The following EPHA5 variants were observed in gnomAD, a reference collection of about 807,000 sequenced individuals.
The protein encoded by EPHA5 is ephrin type-A receptor 5.
A neutral mutation model predicts 105.0 loss-of-function variants in EPHA5; 60 were observed. The ratio of observed to expected loss-of-function variants is 0.57; its 90% CI spans 0.46 to 0.71. The LOEUF (loss-of-function observed/expected upper bound fraction) is 0.71, where lower values mean the gene tolerates loss of function less well. EPHA5 is among the 30% of genes least tolerant of loss of function. The pLI is 0.00. For missense variants in EPHA5, 1,218 were observed against 1,274.7 expected (o/e 0.96, Z 0.68); for synonymous variants, 513 against 449.1 (o/e 1.14, Z -1.80).
At chr4:65,475,731 C>T (rs1441822573) in intron 5 of EPHA5, among the ~76,000 whole-genome samples, 5 of 152,104 alleles carry the variant, frequency 3.3e-5, no homozygotes, top group East Asian at 3.9e-4. Context: ...CTAAGCCACA[C>T]GAATGTTTGA....
chr4:65,495,028 A>C (rs1480823761), intron 4 of EPHA5, among the ~76,000 whole-genome samples: 2 of 151,862 alleles, frequency 1.3e-5, no homozygotes, highest in African/African-American at 4.8e-5. Flanking sequence ...AAGAAGAGGA[A>C]GAGGAGGAAG....
chr4:65,511,921 C>G (rs1733664296), intron 3 of EPHA5, among the ~76,000 whole-genome samples: 1 of 151,974 alleles, frequency 6.6e-6, no homozygotes, highest in Middle Eastern at 3.4e-3. Flanking sequence ...GAGAGGTGTC[C>G]TAGAAAATAA....
chr4:65,435,652 C>T (rs941828258), intron 5 of EPHA5, among the ~76,000 whole-genome samples: 1 of 152,026 alleles, frequency 6.6e-6, no homozygotes, highest in African/African-American at 2.4e-5. Context: ...CTGCTGGAAA[C>T]CCCAGATCTG....
chr4:65,643,521 T>A, intron 1 of EPHA5, 94 bp from the exon 2 acceptor site: 1 of 1,019,264 alleles, frequency 9.8e-7, no homozygotes, highest in South Asian at 1.4e-5. Flanking sequence ...GCATGTTGTT[T>A]ACATAACTGA....
At chr4:65,414,161 C>T (rs1723170878) in intron 7 of EPHA5, 123 bp downstream of exon 7, 1 of 859,548 alleles carries the variant, frequency 1.2e-6, no homozygotes, top group East Asian at 2.6e-5. Flanking sequence ...CTGAAGGGGT[C>T]ATGCCTGGGA....
intron 11 of EPHA5, among the ~76,000 whole-genome samples, chr4:65,353,808 C>T (rs1170883809): frequency 6.6e-6 from 1 of 151,672 alleles, no homozygotes; most frequent in African/African-American, 2.4e-5. Context: ...GGCTACCTGC[C>T]CTTCCTCTCT....
chr4:65,642,822 T>C (rs1453914602), intron 2 of EPHA5, among the ~76,000 whole-genome samples: 2 of 152,036 alleles, frequency 1.3e-5, no homozygotes, highest in African/African-American at 4.8e-5. Flanking sequence ...ATGAATTGCA[T>C]GTGTACATGA....
In EPHA5 at chr4:65,576,020, A is replaced by G. The variant is rs1243136599; in HGVS notation, c.910+25621T>C. 4.1e-3 allele frequency among the ~76,000 whole-genome samples: 436 copies of G among 106,350 alleles called. 2 individuals carry two copies. The highest frequency in any genetic ancestry group is 0.015 in the African/African-American group (409 of 28,166). The allele number at this position is 106,350 out of a possible 152,430, so 69.8% of individuals were successfully genotyped here. ...AGAGAGAGAAAGAAAGAAAGAAAGA[A>G]AGAAAGAAAGAAAGAAAGAAAGAAA... On this transcript the variant is annotated intron_variant, in intron 3 of 16. Transcript: ENST00000613740.
intron 3 of EPHA5, among the ~76,000 whole-genome samples, chr4:65,545,965 A>G (rs1737332368): frequency 6.6e-6 from 1 of 151,958 alleles, no homozygotes; most frequent in Non-Finnish European, 1.5e-5. Context: ...TAAGGACCAG[A>G]TAACAAATAT....
At chr4:65,528,142 T>C (rs1735417025) in intron 3 of EPHA5, among the ~76,000 whole-genome samples, 1 of 151,040 alleles carries the variant, frequency 6.6e-6, no homozygotes, top group Non-Finnish European at 1.5e-5. Context: ...ACCCATTTCT[T>C]ACATAATGAG....
intron 8 of EPHA5, among the ~76,000 whole-genome samples, chr4:65,401,092 T>C (rs1325075877): frequency 6.6e-6 from 1 of 151,756 alleles, no homozygotes; most frequent in African/African-American, 2.4e-5. Context: ...AAATCAATCA[T>C]GTTTTAGCAC....
intron 8 of EPHA5, among the ~76,000 whole-genome samples, chr4:65,386,373 T>C (rs531299752): frequency 6.6e-6 from 1 of 152,118 alleles, no homozygotes; most frequent in East Asian, 1.9e-4. Flanking sequence ...ACCAATATCA[T>C]GTACCATTGA....
chr4:65,504,458 A>G (rs2149247338), intron 3 of EPHA5, among the ~76,000 whole-genome samples: 1 of 151,840 alleles, frequency 6.6e-6, no homozygotes, highest in East Asian at 1.9e-4. Flanking sequence ...TTTGATTGTT[A>G]TACATTTCTA....
At chr4:65,350,230 T>C (rs993013297) in intron 13 of EPHA5, among the ~76,000 whole-genome samples, 3 of 152,080 alleles carry the variant, frequency 2.0e-5, no homozygotes, top group African/African-American at 7.2e-5. Context: ...ATGACACTGA[T>C]AGGTCTGGAA....
intron 16 of EPHA5, chr4:65,331,716 T>C (rs1240060959): frequency 8.4e-7 from 1 of 1,186,896 alleles, no homozygotes. Flanking sequence ...AACACCAGTA[T>C]TTTGCCAAGG....
intron 8 of EPHA5, among the ~76,000 whole-genome samples, chr4:65,394,708 G>A (rs1361148143): frequency 6.6e-6 from 1 of 152,032 alleles, no homozygotes; most frequent in Non-Finnish European, 1.5e-5. Flanking sequence ...TTAAGAAACA[G>A]CAAGAAGATA....
intron 5 of EPHA5, among the ~76,000 whole-genome samples, chr4:65,456,845 A>G (rs1291053935): frequency 1.3e-5 from 2 of 152,164 alleles, no homozygotes; most frequent in East Asian, 3.8e-4. Context: ...CCATGGAAGT[A>G]AGTTGATATA....
At chr4:65,457,321 G>A (rs1727697480) in intron 5 of EPHA5, among the ~76,000 whole-genome samples, 1 of 151,956 alleles carries the variant, frequency 6.6e-6, no homozygotes, top group African/African-American at 2.4e-5. Context: ...GTCCTCGCCT[G>A]TTAACTGGGG....
chr4:65,602,622 C>T (rs925215992), intron 2 of EPHA5, among the ~76,000 whole-genome samples: 3 of 151,824 alleles, frequency 2.0e-5, no homozygotes, highest in African/African-American at 4.8e-5. Flanking sequence ...GAAATTTAAA[C>T]GTGGGTGAGG....
Sources: allele counts gnomAD v4.1 joint callset (sites outside exome capture counted in the v4.1 genomes callset), GRCh38; gene constraint gnomAD v4.1.1; transcripts MANE v1.5; gene names NCBI Gene and HGNC (gene_info 2026-07-23, HGNC 2026-07-21).